Variants in NHS observed in about 807,000 individuals in gnomAD.
NHS encodes the protein NHS actin remodeling regulator, also known as actin remodeling regulator NHS.
Under a neutral mutation model 72.5 loss-of-function variants are expected in NHS, and 5 were observed. The ratio of observed to expected loss-of-function variants is 0.07; its 90% CI spans 0.04 to 0.14. NHS has a LOEUF of 0.14. Ranked by LOEUF, NHS falls within the 10% of genes least tolerant of loss-of-function variation. NHS has a pLI of 1.00. For missense variants in NHS, 1,072 were observed against 1,355.7 expected (o/e 0.79, Z 3.29); for synonymous variants, 464 against 547.7 (o/e 0.85, Z 2.13).
At chrX:17,584,334 A>C (rs4825358) in intron 1 of NHS, among the ~76,000 whole-genome samples, 50,481 of 109,452 alleles carry the variant, frequency 0.46, 9,419 homozygotes, top group East Asian at 0.77. Context: ...GGGGCACACA[A>C]CCCAGCTACT....
chrX:17,478,258 GTTCC>G (rs2064930140), intron 1 of NHS, among the ~76,000 whole-genome samples: 1 of 112,007 alleles, frequency 8.9e-6, no homozygotes, highest in African/African-American at 3.2e-5. Context: ...TAGTAATCTT[GTTCC>G]TGAACACTTT....
intron 3 of NHS, among the ~76,000 whole-genome samples, chrX:17,695,029 C>CAAGT (rs2066219258): frequency 8.9e-6 from 1 of 112,256 alleles, no homozygotes; most frequent in Admixed American, 9.4e-5. Context: ...TGTGCAAGTG[C>CAAGT]CTAGCACAGT....
At position 17,734,716 on chromosome X, in the gene NHS, A is replaced by G. The variant is rs761004626; in HGVS notation, c.*2252A>G. 20 of 113,063 alleles carry G rather than the reference A, an allele frequency of 1.8e-4. No individual in the cohort carries two copies. The highest frequency in any genetic ancestry group is 6.1e-4 in the African/African-American group (19 of 31,048). The allele number at this position is 113,063 out of a possible 1,213,427, so 9.3% of individuals were successfully genotyped here. ...GCATGGTTTGACACCACATGGGAAC[A>G]TGAATAAATCTGTCTCATGATTTGA... On this transcript the variant is annotated 3_prime_UTR_variant, in exon 9 of 9. Transcript: ENST00000676302.
intron 1 of NHS, among the ~76,000 whole-genome samples, chrX:17,606,702 C>G (rs2065681052): frequency 8.9e-6 from 1 of 111,940 alleles, no homozygotes; most frequent in Non-Finnish European, 1.9e-5. Flanking sequence ...TGCCAGAAGC[C>G]TCCTTAACAT....
intron 1 of NHS, among the ~76,000 whole-genome samples, chrX:17,437,940 G>C (rs1435694069): frequency 8.9e-6 from 1 of 111,938 alleles, no homozygotes; most frequent in Non-Finnish European, 1.9e-5. Context: ...AAGAGCAAAC[G>C]AGCGAGCTAG....
chrX:17,680,614 CTGTT>C (rs2066121581), intron 1 of NHS, among the ~76,000 whole-genome samples: 1 of 112,426 alleles, frequency 8.9e-6, no homozygotes, highest in South Asian at 3.7e-4. Flanking sequence ...TTCATTGTTT[CTGTT>C]TGTTTGTTTT....
At chrX:17,688,700 C>T (rs749542651) in intron 2 of NHS, among the ~76,000 whole-genome samples, 4 of 111,973 alleles carry the variant, frequency 3.6e-5, no homozygotes, top group African/African-American at 1.3e-4. Flanking sequence ...GAGCTCTTTT[C>T]CTCCTTGCCA....
At chrX:17,433,711 T>G (rs1341424767) in intron 1 of NHS, among the ~76,000 whole-genome samples, 1 of 112,082 alleles carries the variant, frequency 8.9e-6, no homozygotes, top group African/African-American at 3.2e-5. Flanking sequence ...TACTGAACTC[T>G]TTCACACATA....
intron 1 of NHS, among the ~76,000 whole-genome samples, chrX:17,607,725 T>C (rs911197912): frequency 9.0e-6 from 1 of 111,028 alleles, no homozygotes; most frequent in African/African-American, 3.3e-5. Flanking sequence ...ATGTGGCTAG[T>C]GTGACTGAGG....
At chrX:17,551,780 C>G (rs1285620315) in intron 1 of NHS, among the ~76,000 whole-genome samples, 1 of 111,283 alleles carries the variant, frequency 9.0e-6, no homozygotes, top group African/African-American at 3.3e-5. Context: ...CTGCCTGCAC[C>G]CTTTCACAGA....
At chrX:17,617,036 T>C (rs2065750916) in intron 1 of NHS, among the ~76,000 whole-genome samples, 1 of 112,273 alleles carries the variant, frequency 8.9e-6, no homozygotes, top group Non-Finnish European at 1.9e-5. Flanking sequence ...CCAGCTGCCT[T>C]TTCTCTCCAG....
chrX:17,573,715 C>T (rs1376204676), intron 1 of NHS, among the ~76,000 whole-genome samples: 1 of 110,809 alleles, frequency 9.0e-6, no homozygotes, highest in African/African-American at 3.3e-5. Context: ...AGTTTTGTTC[C>T]CTTGCTGGCG....
intron 1 of NHS, among the ~76,000 whole-genome samples, chrX:17,562,675 G>A (rs927516095): frequency 8.9e-6 from 1 of 111,792 alleles, no homozygotes; most frequent in African/African-American, 3.3e-5. Flanking sequence ...TATAATGGAA[G>A]TTTTGGAATA....
intron 1 of NHS, among the ~76,000 whole-genome samples, chrX:17,461,356 C>T (rs1410828073): frequency 8.9e-6 from 1 of 112,283 alleles, no homozygotes; most frequent in Non-Finnish European, 1.9e-5. Context: ...TTATTTAGAG[C>T]CCACCATTTG....
chrX:17,531,229 T>C (rs963051001), intron 1 of NHS, among the ~76,000 whole-genome samples: 2 of 105,245 alleles, frequency 1.9e-5, no homozygotes, highest in Non-Finnish European at 3.9e-5. Flanking sequence ...ACCCACACTT[T>C]CCTTTCCTGG....
chrX:17,423,184 A>G (rs1184386162), intron 1 of NHS, among the ~76,000 whole-genome samples: 1 of 112,157 alleles, frequency 8.9e-6, no homozygotes. Flanking sequence ...GTCTCAAAAT[A>G]TGAGAAAACT....
chrX:17,375,352 C>A lies in NHS; in HGVS notation c.-406C>A. 3.0e-6 allele frequency: 1 copy of A among 331,308 alleles called. No individual in the cohort carries two copies. 27.3% of individuals were successfully genotyped at this position (331,308 alleles called of 1,213,427 possible). On this transcript the variant is annotated 5_prime_UTR_variant, in exon 1 of 9. Transcript: ENST00000676302. Reference sequence around the variant, plus strand: ...GCGCACACACTCACACCCACCCACCCACTCACCCACACACACACAGACACA... The same window carrying A: ...GCGCACACACTCACACCCACCCACCAACTCACCCACACACACACAGACACA...
In NHS at chrX:17,734,851, G is replaced by A. The variant is rs765718425; in HGVS notation, c.*2387G>A. On this transcript the variant is annotated 3_prime_UTR_variant, in exon 9 of 9. Transcript: ENST00000676302. ...TTTCGTAATTTCATAAAAGCAGTTC[G>A]TTTGCAGTATGGCTTTTGTGTAGTT... The A allele has an allele frequency of 3.6e-5, 4 of 112,424 alleles. No individual in the cohort carries two copies. Among genetic ancestry groups the A allele is most frequent in the Middle Eastern group, 4.7e-3 (1 of 215 alleles). The allele number at this position is 112,424 out of a possible 1,213,427, so 9.3% of individuals were successfully genotyped here.
chrX:17,502,838 T>C (rs2065042157), intron 1 of NHS, among the ~76,000 whole-genome samples: 1 of 110,831 alleles, frequency 9.0e-6, no homozygotes, highest in Non-Finnish European at 1.9e-5. Context: ...GTCTGCCCGA[T>C]GCTTCTGCTT....
Sources: allele counts gnomAD v4.1 joint callset (sites outside exome capture counted in the v4.1 genomes callset), GRCh38; gene constraint gnomAD v4.1.1; transcripts MANE v1.5; gene names NCBI Gene and HGNC (gene_info 2026-07-23, HGNC 2026-07-21).